The following LPP variants were observed in gnomAD, a reference collection of about 807,000 sequenced individuals.
LPP encodes LIM domain containing preferred translocation partner in lipoma.
Under a neutral mutation model 60.4 loss-of-function variants are expected in LPP, and 38 were observed. The ratio of observed to expected loss-of-function variants is 0.63; its 90% CI spans 0.49 to 0.83. The LOEUF (loss-of-function observed/expected upper bound fraction) is 0.83, where lower values mean the gene tolerates loss of function less well. Among genes scored for constraint, LPP ranks in the 40% least tolerant of loss-of-function variants. The pLI is 0.00. For missense variants in LPP, 902 were observed against 783.6 expected, an observed-to-expected ratio of 1.15 and a Z score of -1.80; for synonymous variants, 328 against 290.8, an observed-to-expected ratio of 1.13 and a Z score of -1.30.
intron 2 of LPP, among the ~76,000 whole-genome samples, chr3:188,296,479 A>G (rs988943443): frequency 6.6e-6 from 1 of 152,188 alleles, no homozygotes; most frequent in Admixed American, 6.5e-5. Context: ...GATAGTGCAC[A>G]TTTAGTGTGG....
In LPP at chr3:188,329,553, G is replaced by GGATTTTGGAGCATTTTGAATTTCA. The variant is rs541959404; in HGVS notation, c.-66-12101_-66-12078dup. On this transcript the variant is annotated intron_variant, in intron 2 of 11. Coordinates refer to ENST00000617246, the MANE Select transcript of LPP (RefSeq NM_001375462.1). ...CGTCCTGTCTGTCCTTGAAACTTCT[G>GGATTTTGGAGCATTTTGAATTTCA]GATTTTGGAGCATTTTGAATTTCAG... 2.1e-3 allele frequency among the ~76,000 whole-genome samples: 319 copies of GGATTTTGGAGCATTTTGAATTTCA among 152,196 alleles called. 3 individuals carry two copies. In the South Asian group the frequency reaches 0.023, roughly 11 times the overall value.
intron 9 of LPP, among the ~76,000 whole-genome samples, chr3:188,781,296 T>G (rs1215779586): frequency 1.3e-5 from 2 of 152,190 alleles, no homozygotes; most frequent in Admixed American, 6.5e-5. Context: ...GGAAAGAGAC[T>G]GGATGACCAC....
chr3:188,281,184 A>G (rs1186391310), intron 2 of LPP, among the ~76,000 whole-genome samples: 1 of 152,200 alleles, frequency 6.6e-6, no homozygotes, highest in Non-Finnish European at 1.5e-5. Flanking sequence ...TACTGTTTGT[A>G]GGAAGACATT....
At chr3:188,283,511 C>T (rs1742838831) in intron 2 of LPP, among the ~76,000 whole-genome samples, 1 of 152,196 alleles carries the variant, frequency 6.6e-6, no homozygotes. Flanking sequence ...ACTAGAATTG[C>T]TACTTGCGAA....
intron 2 of LPP, among the ~76,000 whole-genome samples, chr3:188,257,187 T>C (rs996398562): frequency 2.0e-5 from 3 of 152,186 alleles, no homozygotes; most frequent in Non-Finnish European, 4.4e-5. Flanking sequence ...TAGTAAGACT[T>C]TAATTTCCAT....
rs138062284 is a variant in LPP, at chr3:188,339,601, A to T, written c.-66-2062A>T. ...GGAAAGAGTGACTGCCAGCAGGAGA[A>T]ATGCCAGATGCTTATAAAACTATCA... is the stretch of plus-strand genomic sequence containing the variant. On this transcript the variant is annotated intron_variant, in intron 2 of 11. Transcript: ENST00000617246. Among the ~76,000 whole-genome samples the T allele has an allele frequency of 1.8e-4, 27 of 152,306 alleles. No individual in the cohort carries two copies. In the East Asian group the frequency reaches 5.2e-3, roughly 29 times the overall value.
chr3:188,275,982 C>T (rs945845433), intron 2 of LPP, among the ~76,000 whole-genome samples: 1 of 152,170 alleles, frequency 6.6e-6, no homozygotes, highest in Non-Finnish European at 1.5e-5. Context: ...CCTCCAGGAA[C>T]TTTTCTAGGT....
intron 1 of LPP, among the ~76,000 whole-genome samples, chr3:188,188,261 T>A (rs1727162861): frequency 6.6e-6 from 1 of 152,170 alleles, no homozygotes; most frequent in South Asian, 2.1e-4. Context: ...TTTTTCCTTT[T>A]GGAAAGGAGC....
chr3:188,796,878 C>T (rs745508038), intron 9 of LPP, among the ~76,000 whole-genome samples: 1 of 152,096 alleles, frequency 6.6e-6, no homozygotes, highest in Non-Finnish European at 1.5e-5. Flanking sequence ...CATTGCAGTC[C>T]TCCCTTCTTC....
chr3:188,391,348 G>C (rs914838718), intron 3 of LPP, among the ~76,000 whole-genome samples: 1 of 152,218 alleles, frequency 6.6e-6, no homozygotes, highest in African/African-American at 2.4e-5. Flanking sequence ...TCTGTGCACG[G>C]CTCTTCTAGA....
At chr3:188,258,227 A>G (rs1268298849) in intron 2 of LPP, among the ~76,000 whole-genome samples, 1 of 152,328 alleles carries the variant, frequency 6.6e-6, no homozygotes, top group East Asian at 1.9e-4. Context: ...CTTCCCATTT[A>G]TTTGAGTTCT....
rs145468219 is a variant in LPP at position 188,520,489 on chromosome 3, C to A, written c.307-4176C>A. On this transcript the variant is annotated intron_variant, in intron 5 of 11. Coordinates refer to ENST00000617246, the MANE Select transcript of LPP (RefSeq NM_001375462.1). ...TATAGGGGAAAATGCCCCCGTGATT[C>A]AATTATCTCCCACACGGTCCTGCCC... Among the ~76,000 whole-genome samples, 1,230 of 152,328 alleles carry A rather than the reference C, an allele frequency of 8.1e-3. 14 individuals are homozygous for A. Among genetic ancestry groups the A allele is most frequent in the African/African-American group, 0.027 (1,138 of 41,574 alleles).
At chr3:188,748,296 T>C (rs1358748074) in intron 8 of LPP, among the ~76,000 whole-genome samples, 1 of 152,152 alleles carries the variant, frequency 6.6e-6, no homozygotes, top group Admixed American at 6.5e-5. Flanking sequence ...TATGAATGTA[T>C]GTTTGTATCC....
chr3:188,618,701 A>T (rs186555320), intron 7 of LPP, among the ~76,000 whole-genome samples: 1 of 152,248 alleles, frequency 6.6e-6, no homozygotes, highest in South Asian at 2.1e-4. Context: ...CAACATTGCT[A>T]TTAAGAGTTA....
At chr3:188,636,422 C>T (rs1848783558) in intron 7 of LPP, among the ~76,000 whole-genome samples, 1 of 152,218 alleles carries the variant, frequency 6.6e-6, no homozygotes, top group African/African-American at 2.4e-5. Flanking sequence ...TGGAGTCTCG[C>T]TGATTCCTAG....
At chr3:188,554,415 G>C (rs758173736) in intron 6 of LPP, among the ~76,000 whole-genome samples, 37 of 152,186 alleles carry the variant, frequency 2.4e-4, no homozygotes, top group Non-Finnish European at 4.6e-4. Flanking sequence ...TTTTGAACAA[G>C]TTGTAGTTCA....
In LPP at chr3:188,466,034, A is replaced by C. The variant is rs188502247; in HGVS notation, c.194-18558A>C. 2.6e-5 allele frequency among the ~76,000 whole-genome samples: 4 copies of C among 152,148 alleles called. No individual in the cohort carries two copies. The South Asian group carries it at 8.3e-4, about 31-fold the overall frequency. The stretch of plus-strand genomic sequence containing the variant: ...TTTAGGGATTCCTGGCAGGGCAGGA[A>C]GAAGGGGCAAGATTTGCGAGGATCA... On this transcript the variant is annotated intron_variant, in intron 4 of 11. Coordinates refer to ENST00000617246, the MANE Select transcript of LPP (RefSeq NM_001375462.1).
chr3:188,643,542 A>G (rs78444568), intron 7 of LPP, among the ~76,000 whole-genome samples: 2,192 of 152,360 alleles, frequency 0.014, 20 homozygotes, highest in Middle Eastern at 0.024. Context: ...GTGAAGTATA[A>G]GTAGTTGTGG....
chr3:188,562,062 C>T (rs1344240160), intron 6 of LPP, among the ~76,000 whole-genome samples: 2 of 151,774 alleles, frequency 1.3e-5, no homozygotes, highest in Non-Finnish European at 2.9e-5. Context: ...CAGACACACA[C>T]AGACACACAC....
Sources: allele counts gnomAD v4.1 joint callset (sites outside exome capture counted in the v4.1 genomes callset), GRCh38; gene constraint gnomAD v4.1.1; transcripts MANE v1.5; gene names NCBI Gene and HGNC (gene_info 2026-07-23, HGNC 2026-07-21).